Variants in PCDH19 observed in about 807,000 individuals in gnomAD.
The protein encoded by PCDH19 is protocadherin 19.
A neutral mutation model predicts 46.2 loss-of-function variants in PCDH19; 6 were observed. The observed-to-expected ratio is 0.13, with a 90% CI of 0.07 to 0.26. The LOEUF (loss-of-function observed/expected upper bound fraction) is 0.26. PCDH19 is among the 10% of genes least tolerant of loss of function. The pLI is 1.00. For synonymous variants in PCDH19, 481 were observed against 415.7 expected, an observed-to-expected ratio of 1.16 and a Z score of -1.91; for missense variants, 740 against 972.3, an observed-to-expected ratio of 0.76 and a Z score of 3.18.
chrX:100,401,284 C>G (rs1319047589), intron 3 of PCDH19, among the ~76,000 whole-genome samples: 2 of 111,956 alleles, frequency 1.8e-5, no homozygotes, highest in African/African-American at 6.5e-5. Context: ...CACCAGCCAT[C>G]ATCCATATAC....
At position 100,407,346 on chromosome X, in the gene PCDH19, G is replaced by C; in HGVS notation, c.1252C>G (p.Gln418Glu). 1 of 1,212,231 alleles carries C rather than the reference G, an allele frequency of 8.2e-7. No homozygotes were observed. Among genetic ancestry groups the C allele is most frequent in the African/African-American group, 1.7e-5 (1 of 57,926 alleles). Reference sequence around the variant, plus strand: ...CGTGCCTGAATTGTGAGGTTGTATTGGTCGTGCTGCTCGCGGTCCAGCCGT... The same window carrying C: ...CGTGCCTGAATTGTGAGGTTGTATTCGTCGTGCTGCTCGCGGTCCAGCCGT... ...DGRLDREQHD[Q>E]YNLTIQARDG... Residue 418 changes from glutamine to glutamate, a missense_variant, in exon 1 of 6, where the codon CAA becomes GAA. This residue lies in a region of PCDH19 where 186 missense variants were observed against 319.9 expected (regional missense o/e 0.58). Coordinates refer to ENST00000373034, the MANE Select transcript of PCDH19 (RefSeq NM_001184880.2).
chrX:100,325,695 A>G (rs1925674848), intron 5 of PCDH19, among the ~76,000 whole-genome samples: 1 of 112,533 alleles, frequency 8.9e-6, no homozygotes, highest in African/African-American at 3.2e-5. Context: ...AGCATTTTGT[A>G]TATAGCACGT....
chrX:100,370,996 T>C (rs1821074652), intron 3 of PCDH19, among the ~76,000 whole-genome samples: 1 of 51,387 alleles, frequency 1.9e-5, no homozygotes, highest in African/African-American at 4.8e-5. Context: ...TGTGTGCATG[T>C]GTGTGTGTGT....
In PCDH19 at chrX:100,296,246, T is replaced by C. The variant is rs1039097629; in HGVS notation, c.*31A>G. On this transcript the variant is annotated 3_prime_UTR_variant, in exon 6 of 6. Coordinates refer to ENST00000373034, the MANE Select transcript of PCDH19 (RefSeq NM_001184880.2). ...GCTCCTGCTTCTTCACTAGCCAGTG[T>C]GGTTTCTTTCTCTTCTTCCTGGAGA... is the stretch of plus-strand genomic sequence containing the variant. The C allele has an allele frequency of 5.2e-5, 57 of 1,106,034 alleles. 1 individual carries two copies. The highest frequency in any genetic ancestry group is 9.0e-5 in the East Asian group (3 of 33,314). The allele number at this position is 1,106,034 out of a possible 1,213,427, so 91.1% of individuals were successfully genotyped here.
chrX:100,356,218 A>G (rs923840933), intron 3 of PCDH19, among the ~76,000 whole-genome samples: 1 of 112,295 alleles, frequency 8.9e-6, no homozygotes, highest in Non-Finnish European at 1.9e-5. Flanking sequence ...ATAATTTGCT[A>G]CCTAATTTTT....
intron 3 of PCDH19, 79 bp from the exon 4 acceptor site, chrX:100,350,783 T>A: frequency 4.5e-6 from 3 of 660,574 alleles, no homozygotes; most frequent in Admixed American, 2.6e-5. Flanking sequence ...TTAGAAGGAA[T>A]TTTTCTTCTG....
At position 100,393,497 on chromosome X, in the gene PCDH19, T is replaced by C. The variant is rs6620882; in HGVS notation, c.2616+9027A>G. 3.0e-4 allele frequency among the ~76,000 whole-genome samples: 27 copies of C among 90,071 alleles called. No homozygotes were observed. In the East Asian group the frequency reaches 4.3e-3, roughly 14 times the overall value. The allele number at this position is 90,071 out of a possible 115,157, so 78.2% of individuals were successfully genotyped here. A position where few individuals can be genotyped will look rare whatever the true frequency, so the allele number is the denominator to read the frequency against. ...TCTCCCACACATACACATACATACA[T>C]ACACACACACACACACACACACACA... On this transcript the variant is annotated intron_variant, in intron 3 of 5. Transcript: ENST00000373034.
At chrX:100,326,660 A>C (rs750013417) in intron 5 of PCDH19, among the ~76,000 whole-genome samples, 80 of 111,708 alleles carry the variant, frequency 7.2e-4, no homozygotes, top group Non-Finnish European at 1.1e-3. Context: ...GTAAGTGCTC[A>C]AGAATATGTA....
At chrX:100,319,750 A>G (rs999227582) in intron 5 of PCDH19, among the ~76,000 whole-genome samples, 6 of 112,214 alleles carry the variant, frequency 5.3e-5, no homozygotes, top group Non-Finnish European at 1.1e-4. Flanking sequence ...GTCCTGAACT[A>G]ATGGCCAGCT....
chrX:100,390,802 C>A (rs1172988755), intron 3 of PCDH19, among the ~76,000 whole-genome samples: 1 of 111,780 alleles, frequency 8.9e-6, no homozygotes, highest in South Asian at 3.8e-4. Flanking sequence ...ACAGCAAGAA[C>A]AAAAATACAT....
intron 3 of PCDH19, among the ~76,000 whole-genome samples, chrX:100,397,353 C>T (rs1311782101): frequency 4.5e-5 from 5 of 112,133 alleles, no homozygotes; most frequent in East Asian, 2.8e-4. Context: ...AGCTCTTCCA[C>T]GGCTACGTCA....
At chrX:100,360,691 C>T (rs1205400648) in intron 3 of PCDH19, among the ~76,000 whole-genome samples, 1 of 111,973 alleles carries the variant, frequency 8.9e-6, no homozygotes, top group Non-Finnish European at 1.9e-5. Context: ...CTAATTATGA[C>T]TGTAGTAAAT....
At chrX:100,398,791 G>A (rs1430141656) in intron 3 of PCDH19, among the ~76,000 whole-genome samples, 1 of 112,027 alleles carries the variant, frequency 8.9e-6, no homozygotes, top group Non-Finnish European at 1.9e-5. Flanking sequence ...CAGCTAGCAC[G>A]CAACAGGTCT....
chrX:100,364,765 CT>C (rs1927026428), intron 3 of PCDH19, among the ~76,000 whole-genome samples: 1 of 112,137 alleles, frequency 8.9e-6, no homozygotes, highest in Admixed American at 9.5e-5. Context: ...TGATTAACAG[CT>C]GATAGGAACC....
At chrX:100,369,955 A>G (rs1769965950) in intron 3 of PCDH19, among the ~76,000 whole-genome samples, 1 of 111,818 alleles carries the variant, frequency 8.9e-6, no homozygotes, top group African/African-American at 3.3e-5. Context: ...TGATTCCCTC[A>G]TAACATATCT....
intron 5 of PCDH19, among the ~76,000 whole-genome samples, 191 bp from the exon 6 acceptor site, chrX:100,297,066 T>C (rs1924639689): frequency 9.0e-6 from 1 of 111,044 alleles, no homozygotes; most frequent in African/African-American, 3.3e-5. Context: ...TCCCTCTATG[T>C]ATATCCTTTT....
rs1174823923 is a variant in PCDH19 at position 100,406,431 on chromosome X, G to C, written c.2147+20C>G. On this transcript the variant is annotated intron_variant, in intron 1 of 5. Transcript: ENST00000373034. The stretch of plus-strand genomic sequence containing the variant: ...ACACACCTTATTCATCCAAGACAAA[G>C]AAAGAAAACTTGGCTTTACCTGCAG... 8.8e-7 allele frequency: 1 copy of C among 1,131,958 alleles called. No homozygotes were observed. Among genetic ancestry groups the C allele is most frequent in the African/African-American group, 1.8e-5 (1 of 55,663 alleles). The allele number at this position is 1,131,958 out of a possible 1,213,427, so 93.3% of individuals were successfully genotyped here.
rs770471715 is a variant in PCDH19, at chrX:100,296,106, T to A, written c.*171A>T. On this transcript the variant is annotated 3_prime_UTR_variant, in exon 6 of 6. Transcript: ENST00000373034. ...GCTCCAACTGAACACCCCTGCTGCC[T>A]GTTGAAACAAGGGACTGTCACAGAA... is the stretch of plus-strand genomic sequence containing the variant. 750 of 482,190 alleles carry A rather than the reference T, an allele frequency of 1.6e-3. 2 individuals are homozygous for A. Among genetic ancestry groups the A allele is most frequent in the South Asian group, 3.7e-3 (121 of 32,456 alleles). The allele number at this position is 482,190 out of a possible 1,213,427, so 39.7% of individuals were successfully genotyped here.
intron 5 of PCDH19, among the ~76,000 whole-genome samples, chrX:100,337,054 T>C (rs1418853627): frequency 9.0e-6 from 1 of 111,393 alleles, no homozygotes; most frequent in Non-Finnish European, 1.9e-5. Context: ...AGCCCCATGA[T>C]ACCCCTAATC....
Sources: gnomAD v4.1 joint callset for allele counts (sites outside exome capture counted in the v4.1 genomes callset) on GRCh38, gnomAD v4.1.1 for gene constraint, gnomAD v4.1.1 regional missense constraint, MANE v1.5 for transcripts, NCBI Gene and HGNC (gene_info 2026-07-23, HGNC 2026-07-21) for gene names.